The following GUCY1A2 variants were observed in gnomAD, a reference collection of about 807,000 sequenced individuals.
The protein encoded by GUCY1A2 is guanylate cyclase soluble subunit alpha-2.
A neutral mutation model predicts 63.5 loss-of-function variants in GUCY1A2; 27 were observed. The ratio of observed to expected loss-of-function variants is 0.43; its 90% CI spans 0.31 to 0.59. The LOEUF is 0.59. Among genes scored for constraint, GUCY1A2 ranks in the 20% least tolerant of loss-of-function variants. The probability of loss-of-function intolerance (pLI) is 0.11; values close to 1 mark genes in which losing one functional copy is unlikely to be tolerated. For synonymous variants in GUCY1A2, 364 were observed against 343.5 expected (o/e 1.06, Z -0.66); for missense variants, 768 against 913.3 (o/e 0.84, Z 2.05).
chr11:106,877,845 C>T (rs1859771176), intron 4 of GUCY1A2, among the ~76,000 whole-genome samples: 1 of 152,012 alleles, frequency 6.6e-6, no homozygotes. Flanking sequence ...AGACAAACTA[C>T]AGAATGAGAG....
rs1467758092 is a variant in GUCY1A2 at position 106,869,572 on chromosome 11, C to A, written c.1207-59094G>T. Among the ~76,000 whole-genome samples the A allele has an allele frequency of 2.0e-5, 3 of 152,268 alleles. No homozygotes were observed. The South Asian group carries it at 6.2e-4, about 32-fold the overall frequency. On this transcript the variant is annotated intron_variant, in intron 4 of 7. Transcript: ENST00000526355. The stretch of plus-strand genomic sequence containing the variant: ...ACCACAGTGAGATAACATCTTATGC[C>A]AGTTAGAATGGCAATCATTAAAAAG...
intron 6 of GUCY1A2, among the ~76,000 whole-genome samples, chr11:106,743,944 T>G (rs919377705): frequency 6.6e-6 from 1 of 152,200 alleles, no homozygotes; most frequent in Admixed American, 6.5e-5. Flanking sequence ...AGGTTGCCTT[T>G]TCCTGTAAGT....
intron 6 of GUCY1A2, among the ~76,000 whole-genome samples, chr11:106,751,049 C>T (rs1863874116): frequency 6.6e-6 from 1 of 152,092 alleles, no homozygotes. Flanking sequence ...TATTAATTCA[C>T]ACATCTCCTC....
chr11:106,738,791 G>A (rs1863636128), intron 6 of GUCY1A2, among the ~76,000 whole-genome samples: 1 of 152,100 alleles, frequency 6.6e-6, no homozygotes, highest in African/African-American at 2.4e-5. Flanking sequence ...TTTGGTTACT[G>A]TAGCCTTGTA....
chr11:106,850,853 T>TCCC (rs1859344129), intron 4 of GUCY1A2, among the ~76,000 whole-genome samples: 2 of 151,942 alleles, frequency 1.3e-5, no homozygotes, highest in African/African-American at 4.8e-5. Flanking sequence ...TTTGGATAAA[T>TCCC]ACTCAGTAGT....
chr11:106,836,489 T>C (rs1452502472), intron 4 of GUCY1A2, among the ~76,000 whole-genome samples: 2 of 152,018 alleles, frequency 1.3e-5, no homozygotes, highest in Non-Finnish European at 2.9e-5. Context: ...CAATATACAG[T>C]ACGTATAAAG....
intron 4 of GUCY1A2, among the ~76,000 whole-genome samples, chr11:106,937,627 G>A (rs543539562): frequency 3.0e-4 from 46 of 152,094 alleles, no homozygotes; most frequent in Admixed American, 6.6e-4. Context: ...AGAATAACTC[G>A]TTTTAAAGCA....
chr11:106,907,209 T>C (rs1333871811), intron 4 of GUCY1A2, among the ~76,000 whole-genome samples: 4 of 151,988 alleles, frequency 2.6e-5, no homozygotes, highest in Non-Finnish European at 5.9e-5. Context: ...TTTTGCCAAA[T>C]AAAAGCTTCC....
At chr11:106,973,569 T>C (rs1374669766) in intron 3 of GUCY1A2, among the ~76,000 whole-genome samples, 2 of 152,014 alleles carry the variant, frequency 1.3e-5, no homozygotes, top group African/African-American at 4.8e-5. Context: ...ATTCTAAGAA[T>C]TCAGAGAACT....
chr11:106,887,189 G>C (rs1003964311), intron 4 of GUCY1A2, among the ~76,000 whole-genome samples: 2 of 151,938 alleles, frequency 1.3e-5, no homozygotes, highest in Non-Finnish European at 2.9e-5. Flanking sequence ...CAAGCAGCAG[G>C]CACTATTTCT....
chr11:106,877,987 T>C (rs995305691), intron 4 of GUCY1A2, among the ~76,000 whole-genome samples: 3 of 151,470 alleles, frequency 2.0e-5, no homozygotes, highest in Non-Finnish European at 4.4e-5. Flanking sequence ...AACAGACACT[T>C]TTCAAAAAAG....
chr11:106,952,643 G>T (rs1016232338), intron 3 of GUCY1A2, among the ~76,000 whole-genome samples: 1 of 142,298 alleles, frequency 7.0e-6, no homozygotes, highest in Non-Finnish European at 1.6e-5. Flanking sequence ...TGTGGGCTGA[G>T]ATGATGAGGG....
At chr11:106,919,388 C>CA (rs1218290144) in intron 4 of GUCY1A2, among the ~76,000 whole-genome samples, 1 of 151,608 alleles carries the variant, frequency 6.6e-6, no homozygotes, top group African/African-American at 2.4e-5. Flanking sequence ...ACCATAATAA[C>CA]AAAAAAAGGT....
chr11:106,997,310 A>G (rs1016439744), intron 1 of GUCY1A2, among the ~76,000 whole-genome samples: 9 of 152,158 alleles, frequency 5.9e-5, no homozygotes, highest in African/African-American at 1.9e-4. Context: ...TTCTTCCCGC[A>G]CTCTATAGCA....
At chr11:106,760,901 T>A (rs1813946533) in intron 6 of GUCY1A2, among the ~76,000 whole-genome samples, 1 of 152,096 alleles carries the variant, frequency 6.6e-6, no homozygotes, top group African/African-American at 2.4e-5. Context: ...ATTAATAGTT[T>A]TAAAAGATTA....
At chr11:106,927,503 A>G (rs1347177784) in intron 4 of GUCY1A2, among the ~76,000 whole-genome samples, 4 of 152,168 alleles carry the variant, frequency 2.6e-5, no homozygotes. Flanking sequence ...GTTGACATAG[A>G]ATGTAAACAT....
At chr11:106,878,026 A>G (rs2135469155) in intron 4 of GUCY1A2, among the ~76,000 whole-genome samples, 1 of 152,322 alleles carries the variant, frequency 6.6e-6, no homozygotes, top group Non-Finnish European at 1.5e-5. Flanking sequence ...ATATATGAAA[A>G]AAAACTCAAA....
chr11:106,820,353 T>C (rs2135429903), intron 4 of GUCY1A2, among the ~76,000 whole-genome samples: 1 of 152,284 alleles, frequency 6.6e-6, no homozygotes, highest in African/African-American at 2.4e-5. Flanking sequence ...CAGCACACGC[T>C]ACCTTGATTA....
At chr11:106,966,714 T>G (rs976475139) in intron 3 of GUCY1A2, among the ~76,000 whole-genome samples, 3 of 152,192 alleles carry the variant, frequency 2.0e-5, no homozygotes, top group African/African-American at 7.2e-5. Context: ...GAAACCCTAG[T>G]GATCATTTAG....
Sources: gnomAD v4.1 joint callset for allele counts (sites outside exome capture counted in the v4.1 genomes callset) on GRCh38, gnomAD v4.1.1 for gene constraint, MANE v1.5 for transcripts, NCBI Gene and HGNC (gene_info 2026-07-23, HGNC 2026-07-21) for gene names.